The following DYNC1I1 variants were observed in gnomAD, a reference collection of about 807,000 sequenced individuals.
The protein encoded by DYNC1I1 is cytoplasmic dynein 1 intermediate chain 1.
A neutral mutation model predicts 86.6 loss-of-function variants in DYNC1I1; 43 were observed. That is an observed-to-expected ratio of 0.50 (90% CI 0.39 to 0.64). The LOEUF (loss-of-function observed/expected upper bound fraction) is 0.64. Among genes scored for constraint, DYNC1I1 ranks in the 30% least tolerant of loss-of-function variants. DYNC1I1 has a pLI of 0.00. For missense variants in DYNC1I1, 604 were observed against 788.8 expected, an observed-to-expected ratio of 0.77 and a Z score of 2.81; for synonymous variants, 262 against 283.7, an observed-to-expected ratio of 0.92 and a Z score of 0.77.
intron 4 of DYNC1I1, among the ~76,000 whole-genome samples, chr7:95,825,063 C>T (rs1486648846): frequency 6.6e-6 from 1 of 152,216 alleles, no homozygotes; most frequent in African/African-American, 2.4e-5. Flanking sequence ...CCTTAGCCCA[C>T]AGCTTGTTAC....
At position 95,869,063 on chromosome 7, in the gene DYNC1I1, A is replaced by G. The variant is rs558114379; in HGVS notation, c.375-820A>G. On this transcript the variant is annotated intron_variant, in intron 5 of 16. Transcript: ENST00000447467. ...CAAGACTCATAACCTTTCTTCTACAATTTACGAGTTGTATATACTTGGGCA... is the reference window on the plus strand; with the variant it reads ...CAAGACTCATAACCTTTCTTCTACAGTTTACGAGTTGTATATACTTGGGCA... 4.6e-5 allele frequency among the ~76,000 whole-genome samples: 7 copies of G among 152,270 alleles called. No homozygotes were observed. In the South Asian group the frequency reaches 8.3e-4, roughly 18 times the overall value.
intron 7 of DYNC1I1, among the ~76,000 whole-genome samples, chr7:95,979,612 A>T (rs532067982): frequency 6.6e-6 from 1 of 152,244 alleles, no homozygotes; most frequent in South Asian, 2.1e-4. Flanking sequence ...AAAATGTGGA[A>T]CTTTCAATAG....
chr7:95,834,205 C>T (rs1789006187), intron 5 of DYNC1I1, among the ~76,000 whole-genome samples: 3 of 55,966 alleles, frequency 5.4e-5, no homozygotes, highest in Admixed American at 2.2e-4. Context: ...TGTCAAAGGC[C>T]TTTTCTGCAT....
chr7:95,836,486 T>C (rs373868341), intron 5 of DYNC1I1, among the ~76,000 whole-genome samples: 6 of 151,712 alleles, frequency 4.0e-5, no homozygotes, highest in East Asian at 1.9e-4. Flanking sequence ...GTGGCGTTCT[T>C]TGTATTTCCT....
chr7:95,945,557 A>G (rs1444335181), intron 6 of DYNC1I1, among the ~76,000 whole-genome samples: 1 of 152,112 alleles, frequency 6.6e-6, no homozygotes, highest in African/African-American at 2.4e-5. Flanking sequence ...TAATGCATTC[A>G]TTTTGTTTTT....
chr7:95,785,217 G>A (rs147414960), intron 1 of DYNC1I1, among the ~76,000 whole-genome samples: 109 of 152,166 alleles, frequency 7.2e-4, no homozygotes, highest in Non-Finnish European at 1.2e-3. Flanking sequence ...TTCGAGACCA[G>A]CCTGGACAAC....
At chr7:95,992,504 GA>G (rs1356479141) in intron 9 of DYNC1I1, among the ~76,000 whole-genome samples, 1 of 152,178 alleles carries the variant, frequency 6.6e-6, no homozygotes, top group Non-Finnish European at 1.5e-5. Context: ...TTTGTCTGTG[GA>G]AATGAGTAAA....
intron 16 of DYNC1I1, among the ~76,000 whole-genome samples, chr7:96,082,215 A>G (rs1790542277): frequency 6.6e-6 from 1 of 152,146 alleles, no homozygotes; most frequent in African/African-American, 2.4e-5. Context: ...ACTAAACAAC[A>G]ATAACAAAAA....
At chr7:95,999,581 A>C (rs188680111) in intron 10 of DYNC1I1, among the ~76,000 whole-genome samples, 1 of 152,276 alleles carries the variant, frequency 6.6e-6, no homozygotes, top group African/African-American at 2.4e-5. Flanking sequence ...TCATTGCTGC[A>C]CACGGCCTCA....
At position 96,057,944 on chromosome 7, in the gene DYNC1I1, A is replaced by G. The variant is rs116711939; in HGVS notation, c.1510-18113A>G. Among the ~76,000 whole-genome samples the G allele has an allele frequency of 7.8e-3, 1,193 of 152,058 alleles. 13 individuals are homozygous for G. The highest frequency in any genetic ancestry group is 0.027 in the African/African-American group (1,125 of 41,488). ...CACCCTAGTGACTGAAACACAACTGACCCCCATGGACCTACAAAGACACCT... is the reference window on the plus strand; with the variant it reads ...CACCCTAGTGACTGAAACACAACTGGCCCCCATGGACCTACAAAGACACCT... On this transcript the variant is annotated intron_variant, in intron 14 of 16. Coordinates refer to ENST00000447467, the MANE Select transcript of DYNC1I1 (RefSeq NM_001135556.2).
chr7:95,942,083 G>C (rs956945461), intron 6 of DYNC1I1, among the ~76,000 whole-genome samples: 2 of 152,150 alleles, frequency 1.3e-5, no homozygotes, highest in Non-Finnish European at 2.9e-5. Context: ...GAATCCAGGA[G>C]CTGGTTTTTT....
At chr7:95,780,434 A>ATTTTTT (rs34375387) in intron 1 of DYNC1I1, among the ~76,000 whole-genome samples, 1 of 129,782 alleles carries the variant, frequency 7.7e-6, no homozygotes. Flanking sequence ...CACCCGGCTA[A>ATTTTTT]TTTTTTTTTT....
chr7:95,940,809 A>G (rs1792190328), intron 6 of DYNC1I1, among the ~76,000 whole-genome samples: 1 of 152,216 alleles, frequency 6.6e-6, no homozygotes, highest in African/African-American at 2.4e-5. Context: ...TGTCAAAGTC[A>G]TTCTCCGTCC....
intron 10 of DYNC1I1, among the ~76,000 whole-genome samples, chr7:96,024,256 G>T (rs1457661176): frequency 2.6e-5 from 4 of 152,002 alleles, no homozygotes; most frequent in Non-Finnish European, 5.9e-5. Context: ...TACTTGATTG[G>T]TTTTTCTTTT....
chr7:95,782,435 C>T (rs1394711474), intron 1 of DYNC1I1, among the ~76,000 whole-genome samples: 2 of 152,164 alleles, frequency 1.3e-5, no homozygotes. Flanking sequence ...GTTCCCTGAG[C>T]CATTTGTGGG....
chr7:96,036,052 A>G (rs573491354), intron 13 of DYNC1I1, among the ~76,000 whole-genome samples: 1 of 152,326 alleles, frequency 6.6e-6, no homozygotes, highest in East Asian at 1.9e-4. Context: ...TGTGCCCATC[A>G]GAGATAACAA....
intron 4 of DYNC1I1, among the ~76,000 whole-genome samples, chr7:95,815,376 T>A (rs988464906): frequency 2.0e-5 from 3 of 152,276 alleles, no homozygotes; most frequent in Admixed American, 6.5e-5. Flanking sequence ...TCCTGCAAAG[T>A]GCAGGTTTCA....
At chr7:95,889,724 A>T (rs796368003) in intron 6 of DYNC1I1, among the ~76,000 whole-genome samples, 1 of 145,014 alleles carries the variant, frequency 6.9e-6, no homozygotes, top group African/African-American at 2.8e-5. Flanking sequence ...CAGTATCTAT[A>T]AAAAAACTTT....
At chr7:95,804,391 C>CT (rs562064988) in intron 1 of DYNC1I1, 872 of 1,270,756 alleles carry the variant, frequency 6.9e-4, no homozygotes, top group Non-Finnish European at 8.2e-4. Flanking sequence ...TTTTGATTCT[C>CT]TTATTTATTT....
Sources: allele counts gnomAD v4.1 joint callset (sites outside exome capture counted in the v4.1 genomes callset), GRCh38; gene constraint gnomAD v4.1.1; transcripts MANE v1.5; gene names NCBI Gene and HGNC (gene_info 2026-07-23, HGNC 2026-07-21).